The following PTPRD variants were observed in gnomAD, a reference collection of about 807,000 sequenced individuals.
PTPRD encodes the protein protein tyrosine phosphatase receptor type D.
A neutral mutation model predicts 214.5 loss-of-function variants in PTPRD; 34 were observed. The ratio of observed to expected loss-of-function variants is 0.16; its 90% CI spans 0.12 to 0.21. The LOEUF is 0.21. PTPRD is among the 10% of genes least tolerant of loss of function. The pLI is 1.00. For synonymous variants in PTPRD, 1,128 were observed against 845.7 expected (o/e 1.33, Z -5.79); for missense variants, 2,545 against 2,398.7 (o/e 1.06, Z -1.27).
In PTPRD at chr9:9,216,394, C is replaced by T. The variant is rs1442021716; in HGVS notation, c.-202-33031G>A. On this transcript the variant is annotated intron_variant, in intron 9 of 45. Coordinates refer to ENST00000381196, the MANE Select transcript of PTPRD (RefSeq NM_002839.4). ...TTATACTACTTGCTTCGCAGGGTTA[C>T]AGAAAAGAAATGGGATAAAATATGT... 2.0e-5 allele frequency among the ~76,000 whole-genome samples: 3 copies of T among 152,150 alleles called. No individual in the cohort carries two copies. In the East Asian group the frequency reaches 5.8e-4, roughly 29 times the overall value.
chr9:10,205,661 C>T (rs1290275432), intron 3 of PTPRD, among the ~76,000 whole-genome samples: 2 of 152,010 alleles, frequency 1.3e-5, no homozygotes, highest in Non-Finnish European at 2.9e-5. Flanking sequence ...CCTGCCTTGG[C>T]CCCAAAGTGC....
intron 11 of PTPRD, among the ~76,000 whole-genome samples, chr9:8,940,113 A>G (rs1396622512): frequency 6.6e-6 from 1 of 151,262 alleles, no homozygotes; most frequent in African/African-American, 2.4e-5. Flanking sequence ...AAAGGTTTTC[A>G]GACTGTAGAA....
Position 10,313,941 on chromosome 9 carries a change from C to G in PTPRD, c.-545+27022G>C, listed in dbSNP as rs150883632. Among the ~76,000 whole-genome samples the G allele has an allele frequency of 1.6e-3, 237 of 151,892 alleles. 2 individuals are homozygous for G. The highest frequency in any genetic ancestry group is 4.9e-3 in the Admixed American group (75 of 15,216). On this transcript the variant is annotated intron_variant, in intron 3 of 45. Transcript: ENST00000381196. The stretch of plus-strand genomic sequence containing the variant: ...GGTTCAGACTAGACAGATCATTTAT[C>G]ACCCTAGTGCTTTCTGTTCAACTTC...
chr9:10,590,191 G>T (rs573406238), intron 2 of PTPRD, among the ~76,000 whole-genome samples: 1 of 152,064 alleles, frequency 6.6e-6, no homozygotes, highest in African/African-American at 2.4e-5. Context: ...ATACAAATTA[G>T]GGTATTCAGG....
chr9:9,949,246 C>G lies in PTPRD; in HGVS notation c.-471-10636G>C, dbSNP rs1019875416. Among the ~76,000 whole-genome samples, 3 of 152,010 alleles carry G rather than the reference C, an allele frequency of 2.0e-5. 1 individual carries two copies. Among genetic ancestry groups the G allele is most frequent in the Non-Finnish European group, 4.4e-5 (3 of 67,980 alleles). Reference sequence around the variant, plus strand: ...TTTTCCACAAAATGGTAGCCATTTTCTAAACACTTTTTAGAGATTTTAAAA... The same window carrying G: ...TTTTCCACAAAATGGTAGCCATTTTGTAAACACTTTTTAGAGATTTTAAAA... On this transcript the variant is annotated intron_variant, in intron 4 of 45. Transcript: ENST00000381196.
At chr9:10,524,939 A>T (rs1397306471) in intron 2 of PTPRD, among the ~76,000 whole-genome samples, 1 of 152,030 alleles carries the variant, frequency 6.6e-6, no homozygotes. Flanking sequence ...AAAAAAGCAA[A>T]ATAAGTGTAA....
chr9:9,655,641 G>A lies in PTPRD; in HGVS notation c.-287+78892C>T, dbSNP rs149991348. Reference sequence around the variant, plus strand: ...AAGCCAAACCAAACCAAACCAAACCGGAAAAACACCTTAAAAGATCTGAAC... The same window carrying A: ...AAGCCAAACCAAACCAAACCAAACCAGAAAAACACCTTAAAAGATCTGAAC... On this transcript the variant is annotated intron_variant, in intron 7 of 45. Transcript: ENST00000381196. 5.5e-3 allele frequency among the ~76,000 whole-genome samples: 821 copies of A among 149,874 alleles called. 7 individuals carry two copies. Among genetic ancestry groups the A allele is most frequent in the African/African-American group, 0.02 (788 of 40,202 alleles).
chr9:8,741,775 G>C (rs558652576), intron 11 of PTPRD, among the ~76,000 whole-genome samples: 2 of 151,766 alleles, frequency 1.3e-5, no homozygotes, highest in Non-Finnish European at 2.9e-5. Context: ...ATTTTTAGTA[G>C]AGACAGGATT....
At chr9:8,483,538 G>A (rs1489762567) in intron 30 of PTPRD, among the ~76,000 whole-genome samples, 1 of 152,166 alleles carries the variant, frequency 6.6e-6, no homozygotes, top group Non-Finnish European at 1.5e-5. Context: ...GGATCACAAG[G>A]TCAGGAGATT....
chr9:8,788,246 TA>T lies in PTPRD; in HGVS notation c.-103-54301del, dbSNP rs775598723. On this transcript the variant is annotated intron_variant, in intron 11 of 45. Transcript: ENST00000381196. ...CATAGCCAAATATTTTTGGTTCATATAAGATGATTTTTTTTTTTTTTTTTTT... is the reference window on the plus strand; with the variant it reads ...CATAGCCAAATATTTTTGGTTCATATAGATGATTTTTTTTTTTTTTTTTTT... 1.2e-3 allele frequency among the ~76,000 whole-genome samples: 172 copies of T among 144,318 alleles called. 2 individuals are homozygous for T. Among genetic ancestry groups the T allele is most frequent in the Non-Finnish European group, 1.2e-3 (81 of 66,758 alleles). 94.7% of individuals were successfully genotyped at this position (144,318 alleles called of 152,430 possible). A position where few individuals can be genotyped will look rare whatever the true frequency, so the allele number is the denominator to read the frequency against.
At position 8,568,880 on chromosome 9, in the gene PTPRD, G is replaced by C. The variant is rs141234556; in HGVS notation, c.353-40101C>G. 1.0e-3 allele frequency among the ~76,000 whole-genome samples: 152 copies of C among 151,912 alleles called. 1 individual carries two copies. The highest frequency in any genetic ancestry group is 3.6e-3 in the African/African-American group (149 of 41,444). ...CCTAAAGTAAATATGGTAATACTCAGTTGCCCACCTATGAGCTTTTGTGTG... is the reference window on the plus strand; with the variant it reads ...CCTAAAGTAAATATGGTAATACTCACTTGCCCACCTATGAGCTTTTGTGTG... On this transcript the variant is annotated intron_variant, in intron 14 of 45. Transcript: ENST00000381196.
chr9:10,247,686 G>C (rs1038833742), intron 3 of PTPRD, among the ~76,000 whole-genome samples: 5 of 152,088 alleles, frequency 3.3e-5, no homozygotes, highest in Non-Finnish European at 1.5e-5. Flanking sequence ...ACATCTCACT[G>C]TTTTTCATGT....
In PTPRD at chr9:8,465,623, A is replaced by T. The variant is rs1404147807; in HGVS notation, c.3557T>A (p.Val1186Asp). Reference sequence around the variant, plus strand: ...AGCGGCAATATATGGCTTTAATTCAACTTCTCTCCCATAACGGATGCTTCT... The same window carrying T: ...AGCGGCAATATATGGCTTTAATTCATCTTCTCTCCCATAACGGATGCTTCT... Reference protein sequence around the residue: ...KRRSIRYGREVELKPYIAAHF... With the variant: ...KRRSIRYGREDELKPYIAAHF... Residue 1186 changes from valine (V) to aspartate (D), a missense_variant, in exon 32 of 46, where the codon GTT (valine) becomes GAT (aspartate). By Grantham distance (152) the Val-to-Asp change is radical (BLOSUM62 -3). Transcript: ENST00000381196. 2 of 1,612,228 alleles carry T rather than the reference A, an allele frequency of 1.2e-6. No homozygotes were observed. The highest frequency in any genetic ancestry group is 1.7e-5 in the Admixed American group (1 of 59,780).
intron 3 of PTPRD, among the ~76,000 whole-genome samples, chr9:10,129,533 G>T (rs1484991160): frequency 5.8e-5 from 6 of 103,330 alleles, no homozygotes; most frequent in Admixed American, 3.7e-4. Flanking sequence ...TATCTCACTC[G>T]TCTTTTCTTG....
intron 10 of PTPRD, among the ~76,000 whole-genome samples, chr9:9,155,456 C>G (rs763764178): frequency 4.6e-5 from 7 of 152,064 alleles, no homozygotes; most frequent in Non-Finnish European, 1.0e-4. Flanking sequence ...AGAAATAAGT[C>G]TCTAGCCTAC....
At chr9:10,333,528 A>G (rs1291261676) in intron 3 of PTPRD, among the ~76,000 whole-genome samples, 1 of 151,838 alleles carries the variant, frequency 6.6e-6, no homozygotes, top group African/African-American at 2.4e-5. Context: ...GAAGAAGTGG[A>G]ATCTGCTGTT....
intron 2 of PTPRD, among the ~76,000 whole-genome samples, chr9:10,575,256 C>T (rs2068838092): frequency 6.6e-6 from 1 of 151,940 alleles, no homozygotes; most frequent in Non-Finnish European, 1.5e-5. Flanking sequence ...TTTCCCAATA[C>T]TAATTACAAT....
At chr9:8,633,210 G>T in intron 14 of PTPRD, 107 bp downstream of exon 14, 1 of 1,364,782 alleles carries the variant, frequency 7.3e-7, no homozygotes, top group Non-Finnish European at 1.0e-6. Context: ...ATTTAACTGA[G>T]TTTCCCATTT....
intron 43 of PTPRD, among the ~76,000 whole-genome samples, chr9:8,332,402 TTAAGTGGGAAG>T (rs1420846445): frequency 2.0e-5 from 3 of 152,164 alleles, no homozygotes; most frequent in Admixed American, 6.5e-5. Context: ...GACTGTGCTG[TTAAGTGGGAAG>T]TAAAGCATCC....
Sources: allele counts gnomAD v4.1 joint callset (sites outside exome capture counted in the v4.1 genomes callset), GRCh38; gene constraint gnomAD v4.1.1; transcripts MANE v1.5; gene names NCBI Gene and HGNC (gene_info 2026-07-23, HGNC 2026-07-21).